Variants in QRICH2 observed in about 807,000 individuals in gnomAD.
The protein encoded by QRICH2 is glutamine rich 2.
In QRICH2, 119 loss-of-function variants were observed where a neutral mutation model predicts 168.3. The ratio of observed to expected loss-of-function variants is 0.71; its 90% confidence interval spans 0.61 to 0.82. The LOEUF (loss-of-function observed/expected upper bound fraction) is 0.82. Among genes scored for constraint, QRICH2 ranks in the 40% least tolerant of loss-of-function variants. The pLI is 0.00. For synonymous variants in QRICH2, 894 were observed against 951.2 expected (o/e 0.94, Z 1.11); for missense variants, 2,241 against 2,491.6 (o/e 0.90, Z 2.14).
At chr17:76,309,444 G>C (rs948085764), upstream of QRICH2, 2 of 151,736 alleles carry the variant, frequency 1.3e-5, no homozygotes, top group South Asian at 4.2e-4. Flanking sequence ...TAAACAGCAC[G>C]AGACAAATCT....
chr17:76,274,363 G>T, intron 18 of QRICH2, 103 bp from the exon 19 acceptor site: 1 of 1,214,328 alleles, frequency 8.2e-7, no homozygotes, highest in Non-Finnish European at 1.1e-6. Context: ...AGTTCTGTTC[G>T]CCATGCTGGG....
Position 76,292,752 on chromosome 17 carries a change from C to T in QRICH2, c.1975G>A (p.Val659Ile), listed in dbSNP as rs2071033558. 6.2e-7 allele frequency: 1 copy of T among 1,613,174 alleles called. No homozygotes were observed. The highest frequency in any genetic ancestry group is 1.3e-5 in the African/African-American group (1 of 74,532). Residue 659 changes from valine to isoleucine, a missense_variant, in exon 4 of 19, where the codon GTC becomes ATC. This residue lies in a region of QRICH2 where 2,047 missense variants were observed against 2,303.8 expected (regional missense o/e 0.89). Coordinates refer to ENST00000680821, the MANE Select transcript of QRICH2 (RefSeq NM_001388453.1). ...TGATCTACACCAGGCTGTACCAAGACACCCTGACCTGTGCCAGATTGGACC... is the reference window on the plus strand; with the variant it reads ...TGATCTACACCAGGCTGTACCAAGATACCCTGACCTGTGCCAGATTGGACC... ...DLVQSGTGQG[V>I]LVQPGVDQPG...
chr17:76,304,979 C>T, intron 1 of QRICH2, 38 bp from the exon 2 acceptor site: 3 of 1,451,144 alleles, frequency 2.1e-6, no homozygotes, highest in Non-Finnish European at 2.9e-6. Context: ...TGACAGTGGC[C>T]CCTACACACG....
rs143493483 is a variant in QRICH2 at position 76,287,385 on chromosome 17, G to C, written c.3897-79C>G. On this transcript the variant is annotated intron_variant, in intron 6 of 18. Coordinates refer to ENST00000680821, the MANE Select transcript of QRICH2 (RefSeq NM_001388453.1). ...AGAGCCTGGGCCATCAGGGACGCAG[G>C]GGGATGCAGACACAGCTGGAGGTCT... is the stretch of plus-strand genomic sequence containing the variant. 1.0e-3 allele frequency: 1,039 copies of C among 999,316 alleles called. 5 individuals are homozygous for C. In the African/African-American group the frequency reaches 0.014, roughly 14 times the overall value. The allele number at this position is 999,316 out of a possible 1,614,324, so 61.9% of individuals were successfully genotyped here.
chr17:76,296,774 T>G (rs2070800065), intron 3 of QRICH2, among the ~76,000 whole-genome samples: 1 of 99,930 alleles, frequency 1.0e-5, no homozygotes, highest in Admixed American at 1.2e-4. Flanking sequence ...CATGGCTCTG[T>G]CTCAAAAAAA....
At position 76,307,483 on chromosome 17, in the gene QRICH2, C is replaced by T; in HGVS notation, c.516G>A (p.Glu172=). The change falls in exon 1 of 19, where the codon GAG becomes GAA. Residue 172 remains glutamate (E), a synonymous_variant. Coordinates refer to ENST00000680821, the MANE Select transcript of QRICH2 (RefSeq NM_001388453.1). The surrounding 1 kb of genome is among the most constrained non-coding windows in gnomAD (Gnocchi z 5.3). ...RTGSIMKDAA[E]ELSFARVLLQ... is the part of the protein sequence containing the mutation. ...TGCTCACCCTGGCAAAGCTGAGCTC[C>T]TCGGCGGCGTCCTTCATGATACTCC... 1 of 1,613,806 alleles carries T rather than the reference C, an allele frequency of 6.2e-7. No individual in the cohort carries two copies. Among genetic ancestry groups the T allele is most frequent in the African/African-American group, 1.3e-5 (1 of 75,044 alleles).
At chr17:76,303,764 T>A (rs1325270072) in intron 3 of QRICH2, among the ~76,000 whole-genome samples, 2 of 150,950 alleles carry the variant, frequency 1.3e-5, no homozygotes, top group African/African-American at 4.9e-5. Flanking sequence ...TCCCAGCTAC[T>A]CTGGAGGCTG....
At chr17:76,305,438 T>C (rs575259157) in intron 1 of QRICH2, among the ~76,000 whole-genome samples, 8 of 152,302 alleles carry the variant, frequency 5.3e-5, no homozygotes, top group Admixed American at 6.5e-5. Flanking sequence ...AGTGCTGAGA[T>C]TACAGGCAGG....
In QRICH2 at chr17:76,292,683, G is replaced by A. The variant is rs749195666; in HGVS notation, c.2044C>T (p.Gln682Ter). ...QPGRFQRALV[Q>*]PGAYQPGLVQ... ...AAGCCAGGCTGATATGCACCAGGCT[G>A]CACCAAAGCACGCTGAAATCTGCCA... The change falls in exon 4 of 19, where the codon CAG (glutamine) becomes TAG (stop). Residue 682 changes from glutamine (Q) to a stop codon, truncating the protein, a stop_gained. Transcript: ENST00000680821. LOFTEE classifies it high-confidence loss of function. The A allele has an allele frequency of 6.2e-7, 1 of 1,614,028 alleles. No individual in the cohort carries two copies. The highest frequency in any genetic ancestry group is 2.2e-5 in the East Asian group (1 of 44,882).
chr17:76,278,271 G>T, intron 14 of QRICH2, 82 bp from the exon 15 acceptor site: 1 of 1,453,384 alleles, frequency 6.9e-7, no homozygotes, highest in East Asian at 2.3e-5. Context: ...CTTCAGTTCC[G>T]GGTCCCTTTT....
intron 5 of QRICH2, among the ~76,000 whole-genome samples, chr17:76,288,699 C>T (rs569774520): frequency 1.3e-5 from 2 of 151,654 alleles, no homozygotes; most frequent in South Asian, 2.1e-4. Flanking sequence ...AGCGAGACTC[C>T]GTCTCAATTT....
rs2071004406 is a variant in QRICH2 at position 76,307,278 on chromosome 17, T to C, written c.534+187A>G. Reference sequence around the variant, plus strand: ...AGGATTTTCACGTCTTGCAGCCCCGTGGACTGCAAGGTAGAGCATGGGCCA... The same window carrying C: ...AGGATTTTCACGTCTTGCAGCCCCGCGGACTGCAAGGTAGAGCATGGGCCA... On this transcript the variant is annotated intron_variant, in intron 1 of 18. Coordinates refer to ENST00000680821, the MANE Select transcript of QRICH2 (RefSeq NM_001388453.1). This position sits in a 1 kb window ranked among gnomAD's most constrained non-coding sequence, Gnocchi z 5.3. Among the ~76,000 whole-genome samples the C allele has an allele frequency of 6.6e-6, 1 of 152,048 alleles. No individual in the cohort carries two copies. The highest frequency in any genetic ancestry group is 1.5e-5 in the Non-Finnish European group (1 of 67,968).
chr17:76,291,387 G>A lies in QRICH2; in HGVS notation c.3340C>T (p.Arg1114Cys), dbSNP rs866929809. ...DSHDSMYPGY[R>C]GPGYLSADQH... ...TCAGCACTTAGATACCCTGGGCCAC[G>A]ATAACCAGGATACATTGAATCATGA... The change falls in exon 4 of 19, where the codon CGT (arginine) becomes TGT (cysteine). Residue 1114 changes from arginine (R) to cysteine (C), a missense_variant. Around this residue, in one of 3 missense-constraint regions of QRICH2, gnomAD observed 2,047 missense variants for 2,303.8 expected, o/e 0.89. Coordinates refer to ENST00000680821, the MANE Select transcript of QRICH2 (RefSeq NM_001388453.1). 8.7e-6 allele frequency: 14 copies of A among 1,613,924 alleles called. No individual in the cohort carries two copies. The highest frequency in any genetic ancestry group is 5.3e-5 in the African/African-American group (4 of 74,888).
intron 7 of QRICH2, among the ~76,000 whole-genome samples, chr17:76,282,524 C>T (rs533763956): frequency 7.9e-5 from 12 of 152,328 alleles, no homozygotes; most frequent in Admixed American, 6.5e-4. Flanking sequence ...GGCTTGCACA[C>T]GCTCCTGCTC....
chr17:76,301,288 G>T (rs1396872709), intron 3 of QRICH2, among the ~76,000 whole-genome samples: 2 of 151,398 alleles, frequency 1.3e-5, no homozygotes, highest in African/African-American at 2.4e-5. Flanking sequence ...TATATGATAG[G>T]CCAGGGCGGT....
intron 5 of QRICH2, among the ~76,000 whole-genome samples, chr17:76,288,450 A>G (rs2070931083): frequency 1.3e-5 from 2 of 150,114 alleles, no homozygotes; most frequent in African/African-American, 2.5e-5. Context: ...CACACCTGTA[A>G]TCCCAGCACT....
chr17:76,276,508 C>A (rs1056130131), intron 17 of QRICH2, among the ~76,000 whole-genome samples, 172 bp downstream of exon 17: 1 of 152,232 alleles, frequency 6.6e-6, no homozygotes, highest in Non-Finnish European at 1.5e-5. Context: ...CTGTCCTCCA[C>A]CTGTGAACAT....
At position 76,293,148 on chromosome 17, in the gene QRICH2, G is replaced by C; in HGVS notation, c.1579C>G (p.Leu527Val). Reference sequence around the variant, plus strand: ...AAACCATGCTGGTCTGTAAAAGGTAGAACCAGGCCATGTTGATCGACGACA... The same window carrying C: ...AAACCATGCTGGTCTGTAAAAGGTACAACCAGGCCATGTTGATCGACGACA... ...LPVVDQHGLV[L>V]PFTDQHGLVS... Residue 527 changes from leucine (L) to valine (V), a missense_variant, in exon 4 of 19, where the codon CTA becomes GTA. Around this residue, in one of 3 missense-constraint regions of QRICH2, gnomAD observed 2,047 missense variants for 2,303.8 expected, o/e 0.89. Coordinates refer to ENST00000680821, the MANE Select transcript of QRICH2 (RefSeq NM_001388453.1). 6.2e-7 allele frequency: 1 copy of C among 1,614,244 alleles called. No homozygotes were observed. The highest frequency in any genetic ancestry group is 8.5e-7 in the Non-Finnish European group (1 of 1,180,040).
chr17:76,299,683 G>C (rs1344913472), intron 3 of QRICH2, among the ~76,000 whole-genome samples: 1 of 151,890 alleles, frequency 6.6e-6, no homozygotes, highest in Non-Finnish European at 1.5e-5. Context: ...GTTGCAGTGA[G>C]CCAAGATTGC....
Sources: gnomAD v4.1 joint callset for allele counts (sites outside exome capture counted in the v4.1 genomes callset) on GRCh38, gnomAD v4.1.1 for gene constraint, gnomAD v4.1.1 regional missense constraint, Gnocchi (gnomAD v3.1) non-coding constraint, MANE v1.5 for transcripts, NCBI Gene and HGNC (gene_info 2026-07-23, HGNC 2026-07-21) for gene names.